The following ERBB4 variants were observed in gnomAD, a reference collection of about 807,000 sequenced individuals.
The protein encoded by ERBB4 is erb-b2 receptor tyrosine kinase 4.
A neutral mutation model predicts 158.0 loss-of-function variants in ERBB4; 42 were observed. That is an observed-to-expected ratio of 0.27 (90% CI 0.21 to 0.34). The LOEUF is 0.34. Among genes scored for constraint, ERBB4 ranks in the 10% least tolerant of loss-of-function variants. The pLI is 1.00. For missense variants in ERBB4, 1,333 were observed against 1,624.1 expected (o/e 0.82, Z 3.08); for synonymous variants, 583 against 558.7 (o/e 1.04, Z -0.61).
chr2:212,124,808 T>A lies in ERBB4; in HGVS notation c.178A>T (p.Met60Leu), dbSNP rs2125570917. The change falls in exon 2 of 28, where the codon ATG (methionine) becomes TTG (leucine). Residue 60 changes from methionine to leucine, a missense_variant. Met to Leu is a conservative substitution (Grantham distance 15). Coordinates refer to ENST00000342788, the MANE Select transcript of ERBB4 (RefSeq NM_005235.3). The part of the protein sequence containing the change: ...RKYYENCEVV[M>L]GNLEITSIEH... ...ATGCTGGTTATCTCCAGGTTGCCCATGACAACCTCACAGTTTTCATAGTAC... is the reference window on the plus strand; with the variant it reads ...ATGCTGGTTATCTCCAGGTTGCCCAAGACAACCTCACAGTTTTCATAGTAC... The A allele has an allele frequency of 6.2e-7, 1 of 1,614,168 alleles. No individual in the cohort carries two copies. Among genetic ancestry groups the A allele is most frequent in the African/African-American group, 1.3e-5 (1 of 75,070 alleles).
intron 19 of ERBB4, among the ~76,000 whole-genome samples, chr2:211,565,596 A>C (rs1411720833): frequency 6.6e-6 from 1 of 152,138 alleles, no homozygotes; most frequent in African/African-American, 2.4e-5. Context: ...CCTTAAAGCT[A>C]CTTGGGAGGA....
chr2:212,425,744 A>T (rs1467728163), intron 1 of ERBB4, among the ~76,000 whole-genome samples: 1 of 151,946 alleles, frequency 6.6e-6, no homozygotes, highest in Non-Finnish European at 1.5e-5. Flanking sequence ...GTGATCTATC[A>T]ATGAACAACA....
chr2:211,416,836 T>G (rs560123448), intron 25 of ERBB4, among the ~76,000 whole-genome samples: 195 of 149,600 alleles, frequency 1.3e-3, no homozygotes, highest in Non-Finnish European at 2.3e-3. Context: ...TTTTTAACCC[T>G]ACACAGCTTT....
At chr2:211,522,939 C>G (rs1372574572) in intron 20 of ERBB4, among the ~76,000 whole-genome samples, 1 of 151,516 alleles carries the variant, frequency 6.6e-6, no homozygotes, top group African/African-American at 2.4e-5. Flanking sequence ...GGAGCTGAAC[C>G]CATAATATCG....
chr2:212,046,690 C>A (rs1334789459), intron 2 of ERBB4, among the ~76,000 whole-genome samples: 1 of 152,058 alleles, frequency 6.6e-6, no homozygotes, highest in Non-Finnish European at 1.5e-5. Context: ...AGTGGGAAAT[C>A]TTAAAGCCAG....
chr2:212,219,644 G>A (rs2083224474), intron 1 of ERBB4, among the ~76,000 whole-genome samples: 2 of 150,978 alleles, frequency 1.3e-5, no homozygotes, highest in African/African-American at 4.8e-5. Flanking sequence ...CCCTTACTGA[G>A]CCTCCCTAGA....
At chr2:212,142,581 A>G (rs1419169560) in intron 1 of ERBB4, among the ~76,000 whole-genome samples, 1 of 147,498 alleles carries the variant, frequency 6.8e-6, no homozygotes, top group Admixed American at 6.8e-5. Flanking sequence ...TAAATAAAGG[A>G]CACATTATAT....
At chr2:212,080,038 C>T (rs2078389474) in intron 2 of ERBB4, among the ~76,000 whole-genome samples, 1 of 151,746 alleles carries the variant, frequency 6.6e-6, no homozygotes, top group Non-Finnish European at 1.5e-5. Flanking sequence ...AAAAAATTAA[C>T]AGAAATCAGC....
chr2:212,360,923 G>T (rs2089664126), intron 1 of ERBB4, among the ~76,000 whole-genome samples: 1 of 151,674 alleles, frequency 6.6e-6, no homozygotes, highest in Non-Finnish European at 1.5e-5. Flanking sequence ...GCTTCTGTCA[G>T]ATATGATACA....
chr2:211,853,628 G>A (rs2077774003), intron 3 of ERBB4, among the ~76,000 whole-genome samples: 2 of 151,984 alleles, frequency 1.3e-5, no homozygotes, highest in African/African-American at 2.4e-5. Context: ...TACAAAATTA[G>A]TTATTGACTG....
intron 3 of ERBB4, among the ~76,000 whole-genome samples, chr2:211,817,445 C>T (rs2076903635): frequency 6.6e-6 from 1 of 152,112 alleles, no homozygotes; most frequent in Non-Finnish European, 1.5e-5. Context: ...TACTCAATAT[C>T]AAATAACAAA....
At chr2:211,806,695 A>G (rs1353856623) in intron 3 of ERBB4, among the ~76,000 whole-genome samples, 1 of 152,186 alleles carries the variant, frequency 6.6e-6, no homozygotes, top group Non-Finnish European at 1.5e-5. Context: ...AAATCTGACA[A>G]TAATTGGACT....
intron 3 of ERBB4, among the ~76,000 whole-genome samples, chr2:211,796,391 T>G (rs2076383608): frequency 6.6e-6 from 1 of 152,038 alleles, no homozygotes; most frequent in South Asian, 2.1e-4. Flanking sequence ...TTTCCACACT[T>G]GGGCTATTAT....
chr2:211,729,112 CTT>C (rs2074357982), intron 5 of ERBB4, among the ~76,000 whole-genome samples: 1 of 151,556 alleles, frequency 6.6e-6, no homozygotes, highest in Non-Finnish European at 1.5e-5. Context: ...TGGAAGAAAA[CTT>C]AAAATTTTTG....
intron 2 of ERBB4, among the ~76,000 whole-genome samples, chr2:212,052,426 T>A (rs905693031): frequency 6.6e-6 from 1 of 152,092 alleles, no homozygotes; most frequent in African/African-American, 2.4e-5. Flanking sequence ...ATCCTGTGAG[T>A]CAATACTCCT....
intron 4 of ERBB4, among the ~76,000 whole-genome samples, chr2:211,771,470 T>C (rs1385191697): frequency 6.6e-6 from 1 of 152,232 alleles, no homozygotes; most frequent in South Asian, 2.1e-4. Flanking sequence ...TCTTGTTTAA[T>C]CTGACAGGGA....
At chr2:212,049,866 G>C (rs1326278762) in intron 2 of ERBB4, among the ~76,000 whole-genome samples, 2 of 152,146 alleles carry the variant, frequency 1.3e-5, no homozygotes, top group African/African-American at 4.8e-5. Context: ...AATTAGAACA[G>C]TGGGATATGC....
chr2:212,175,461 T>C (rs992210673), intron 1 of ERBB4, among the ~76,000 whole-genome samples: 17 of 151,928 alleles, frequency 1.1e-4, no homozygotes, highest in Non-Finnish European at 1.9e-4. Context: ...GACTTATCAT[T>C]ACCATGTACT....
intron 2 of ERBB4, among the ~76,000 whole-genome samples, chr2:212,039,349 T>C (rs2077086167): frequency 6.6e-6 from 1 of 152,196 alleles, no homozygotes; most frequent in African/African-American, 2.4e-5. Flanking sequence ...GTTTCCTTTT[T>C]ATATATGGTT....
Sources: allele counts gnomAD v4.1 joint callset (sites outside exome capture counted in the v4.1 genomes callset), GRCh38; gene constraint gnomAD v4.1.1; transcripts MANE v1.5; gene names NCBI Gene and HGNC (gene_info 2026-07-23, HGNC 2026-07-21).